The following KRAS variants were observed in gnomAD, a reference collection of about 807,000 sequenced individuals.
The protein encoded by KRAS is GTPase KRas.
KRAS carries 1 observed loss-of-function variant against 21.0 expected under a neutral mutation model. The observed-to-expected ratio is 0.05, with a 90% CI of 0.02 to 0.23. KRAS has a LOEUF of 0.23. KRAS is among the 10% of genes least tolerant of loss of function. The pLI, the probability that KRAS is intolerant of heterozygous loss-of-function variation, is 1.00. For synonymous variants in KRAS, 67 were observed against 72.5 expected (o/e 0.92, Z 0.39); for missense variants, 107 against 221.8 (o/e 0.48, Z 3.29).
intron 1 of KRAS, among the ~76,000 whole-genome samples, chr12:25,248,920 A>G (rs190575665): frequency 7.1e-4 from 108 of 152,394 alleles, no homozygotes; most frequent in Middle Eastern, 3.4e-3. Context: ...TCTGTAGTCT[A>G]TAACATGCAG....
At chr12:25,225,921 CTAGT>C (rs563747274) in intron 3 of KRAS, 148 bp from the exon 4 acceptor site, 810 of 689,754 alleles carry the variant, frequency 1.2e-3, no homozygotes, top group Non-Finnish European at 1.8e-3. Flanking sequence ...CCTTCTTCTA[CTAGT>C]TATTTTGTTT....
rs377026100 is a variant in KRAS at position 25,208,750 on chromosome 12, T to C, written c.*1045A>G. The C allele has an allele frequency of 1.7e-5, 4 of 233,090 alleles. 1 individual carries two copies. In the East Asian group the frequency reaches 2.4e-4, roughly 14 times the overall value. 14.4% of individuals were successfully genotyped at this position (233,090 alleles called of 1,614,324 possible). On this transcript the variant is annotated 3_prime_UTR_variant, in exon 5 of 5. Transcript: ENST00000311936. Reference sequence around the variant, plus strand: ...TGGATGACCGTGGGGACACAGTCCATGCTGTGAAACTCTCTATGAAAGCTC... The same window carrying C: ...TGGATGACCGTGGGGACACAGTCCACGCTGTGAAACTCTCTATGAAAGCTC...
At chr12:25,232,159 GAAGA>G (rs1329134814) in intron 2 of KRAS, among the ~76,000 whole-genome samples, 4 of 151,680 alleles carry the variant, frequency 2.6e-5, no homozygotes, top group Non-Finnish European at 5.9e-5. Context: ...GTATTTGGAG[GAAGA>G]AAAAAAAATA....
intron 4 of KRAS, among the ~76,000 whole-genome samples, chr12:25,214,482 G>A (rs544064673): frequency 6.6e-6 from 1 of 151,724 alleles, no homozygotes; most frequent in African/African-American, 2.4e-5. Flanking sequence ...CTGCCTCCCA[G>A]GTTCAAGCAA....
At chr12:25,237,130 G>C (rs1439349922) in intron 2 of KRAS, among the ~76,000 whole-genome samples, 5 of 152,156 alleles carry the variant, frequency 3.3e-5, no homozygotes, top group Admixed American at 6.5e-5. Flanking sequence ...CCTGTGTGGA[G>C]GATGCCAGAC....
Position 25,223,695 on chromosome 12 carries a change from A to T in KRAS, c.450+1919T>A, listed in dbSNP as rs61762414. On this transcript the variant is annotated intron_variant, in intron 4 of 4. Transcript: ENST00000311936. ...TGCTCTCCTACTAGGGAAATACAAC[A>T]TATATATTAGCTGGATAATGATTTA... Among the ~76,000 whole-genome samples, 638 of 152,304 alleles carry T rather than the reference A, an allele frequency of 4.2e-3. 5 individuals carry two copies. The highest frequency in any genetic ancestry group is 0.015 in the African/African-American group (605 of 41,564).
intron 2 of KRAS, among the ~76,000 whole-genome samples, chr12:25,243,573 C>CTGTA (rs1951638485): frequency 6.6e-6 from 1 of 152,156 alleles, no homozygotes; most frequent in Admixed American, 6.5e-5. Context: ...TGACGTCATG[C>CTGTA]TGTATATACT....
rs367708773 is a variant in KRAS, at chr12:25,211,505, G to T, written c.451-1594C>A. 6.0e-4 allele frequency among the ~76,000 whole-genome samples: 92 copies of T among 152,180 alleles called. 1 individual carries two copies. In the South Asian group the frequency reaches 0.019, roughly 31 times the overall value. On this transcript the variant is annotated intron_variant, in intron 4 of 4. Transcript: ENST00000311936. The stretch of plus-strand genomic sequence containing the variant: ...CAGGAGAATTGCTGAACCCGGAGAG[G>T]CGAAGTGCATTGCAGTGAGCCGAGA...
chr12:25,231,363 G>A (rs5009909), intron 2 of KRAS, among the ~76,000 whole-genome samples: 74,209 of 151,758 alleles, frequency 0.49, 19,081 homozygotes, highest in East Asian at 0.8. Context: ...GATTACAGGC[G>A]TCAACCATCG....
In KRAS at chr12:25,206,936, AAAC is replaced by A; in HGVS notation, c.*2856_*2858del. 1 of 204,786 alleles carries A rather than the reference AAAC, an allele frequency of 4.9e-6. No homozygotes were observed. Among genetic ancestry groups the A allele is most frequent in the Non-Finnish European group, 1.0e-5 (1 of 99,950 alleles). 12.7% of individuals were successfully genotyped at this position (204,786 alleles called of 1,614,324 possible). On this transcript the variant is annotated 3_prime_UTR_variant, in exon 5 of 5. Coordinates refer to ENST00000311936, the MANE Select transcript of KRAS (RefSeq NM_004985.5). The stretch of plus-strand genomic sequence containing the variant: ...AGAATCACAGTTATGCCAAATAAAA[AAAC>A]AATATAATCAAGTTTATTCCTTTAA...
intron 2 of KRAS, among the ~76,000 whole-genome samples, chr12:25,231,766 T>G (rs1413757640): frequency 1.3e-5 from 2 of 152,204 alleles, no homozygotes; most frequent in African/African-American, 4.8e-5. Context: ...AGAGTTAATT[T>G]TAACTAGGGT....
At chr12:25,223,603 G>A (rs1221118351) in intron 4 of KRAS, among the ~76,000 whole-genome samples, 1 of 152,104 alleles carries the variant, frequency 6.6e-6, no homozygotes, top group Non-Finnish European at 1.5e-5. Context: ...CTCCCAAAAT[G>A]ACTTGAAGTA....
chr12:25,206,111 G>GA lies in KRAS; in HGVS notation c.*3683dup, dbSNP rs142323886. 0.069 allele frequency: 14,188 copies of GA among 205,816 alleles called. 1,689 individuals are homozygous for GA. Among genetic ancestry groups the GA allele is most frequent in the African/African-American group, 0.28 (12,331 of 43,340 alleles). The allele number at this position is 205,816 out of a possible 1,614,324, so 12.7% of individuals were successfully genotyped here. On this transcript the variant is annotated 3_prime_UTR_variant, in exon 5 of 5. Coordinates refer to ENST00000311936, the MANE Select transcript of KRAS (RefSeq NM_004985.5). ...CTGTTTGAAGAAAAAATGTTTAGAA[G>GA]AAAAAAAAAATCAATGGAATACAAA... is the stretch of plus-strand genomic sequence containing the variant.
At position 25,250,917 on chromosome 12, in the gene KRAS, G is replaced by C; in HGVS notation, c.-178C>G. ...CCGCCGCTGCTGCCTCCGCCGCCGC[G>C]GCCGCCGCCTAGGAAAATCGAGCTC... On this transcript the variant is annotated 5_prime_UTR_variant, in exon 1 of 5. Coordinates refer to ENST00000311936, the MANE Select transcript of KRAS (RefSeq NM_004985.5). 4.0e-6 allele frequency: 1 copy of C among 250,866 alleles called. No homozygotes were observed. Among genetic ancestry groups the C allele is most frequent in the Non-Finnish European group, 7.5e-6 (1 of 133,218 alleles). The allele number at this position is 250,866 out of a possible 1,614,324, so 15.5% of individuals were successfully genotyped here.
At chr12:25,228,403 C>T (rs1007768155) in intron 2 of KRAS, among the ~76,000 whole-genome samples, 2 of 151,766 alleles carry the variant, frequency 1.3e-5, no homozygotes, top group Admixed American at 6.6e-5. Flanking sequence ...GAAATCCAAA[C>T]CACTTCTGGT....
At chr12:25,211,828 T>C (rs947324148) in intron 4 of KRAS, among the ~76,000 whole-genome samples, 12 of 152,212 alleles carry the variant, frequency 7.9e-5, no homozygotes, top group Non-Finnish European at 1.3e-4. Flanking sequence ...ATTTGAGCAC[T>C]AGTGAAAGTC....
chr12:25,213,550 C>T (rs1239158006), intron 4 of KRAS, among the ~76,000 whole-genome samples: 4 of 152,128 alleles, frequency 2.6e-5, no homozygotes, highest in African/African-American at 7.2e-5. Flanking sequence ...TAAATTTCAA[C>T]AAAAATTAAT....
Position 25,209,150 on chromosome 12 carries a change from G to T in KRAS, c.*645C>A. On this transcript the variant is annotated 3_prime_UTR_variant, in exon 5 of 5. Coordinates refer to ENST00000311936, the MANE Select transcript of KRAS (RefSeq NM_004985.5). The stretch of plus-strand genomic sequence containing the variant: ...GTGAAAAGGAAATGGCCTTATAATA[G>T]TTTCCATTGCCTTGTAATTTTTTTC... The T allele has an allele frequency of 1.6e-6, 1 of 638,124 alleles. No homozygotes were observed. The highest frequency in any genetic ancestry group is 1.9e-5 in the South Asian group (1 of 53,128). The allele number at this position is 638,124 out of a possible 1,614,324, so 39.5% of individuals were successfully genotyped here. A position where few individuals can be genotyped will look rare whatever the true frequency, so the allele number is the denominator to read the frequency against.
chr12:25,250,819 C>G lies in KRAS; in HGVS notation c.-80G>C. 4.5e-6 allele frequency: 1 copy of G among 222,130 alleles called. No homozygotes were observed. Among genetic ancestry groups the G allele is most frequent in the East Asian group, 7.0e-5 (1 of 14,292 alleles). The allele number at this position is 222,130 out of a possible 1,614,324, so 13.8% of individuals were successfully genotyped here. On this transcript the variant is annotated 5_prime_UTR_variant, in exon 1 of 5. Transcript: ENST00000311936. ...CCGCCTTCAGTGCCTGCGCCGCGCT[C>G]GCTCCCAGTCCGAAATGGCGGGGGC... is the stretch of plus-strand genomic sequence containing the variant.
Sources: allele counts gnomAD v4.1 joint callset (sites outside exome capture counted in the v4.1 genomes callset), GRCh38; gene constraint gnomAD v4.1.1; transcripts MANE v1.5; gene names NCBI Gene and HGNC (gene_info 2026-07-23, HGNC 2026-07-21).